The following COMMD8 variants were observed in gnomAD, a reference collection of about 807,000 sequenced individuals.
COMMD8 encodes COMM domain containing 8.
Under a neutral mutation model 27.2 loss-of-function variants are expected in COMMD8, and 28 were observed. That is an observed-to-expected ratio of 1.03 (90% CI 0.76 to 1.41). The LOEUF (loss-of-function observed/expected upper bound fraction) is 1.41. Ranked by LOEUF, COMMD8 falls within the 40% of genes most tolerant of loss-of-function variation. COMMD8 has a pLI of 0.00. For missense variants in COMMD8, 217 were observed against 211.2 expected, an observed-to-expected ratio of 1.03 and a Z score of -0.17; for synonymous variants, 79 against 75.5, an observed-to-expected ratio of 1.05 and a Z score of -0.24.
At chr4:47,452,681 G>T (rs2109352802) in intron 4 of COMMD8, among the ~76,000 whole-genome samples, 1 of 152,256 alleles carries the variant, frequency 6.6e-6, no homozygotes, top group South Asian at 2.1e-4. Context: ...TGAACTATGA[G>T]TCTAGGAGTA....
At position 47,451,623 on chromosome 4, in the gene COMMD8, G is replaced by A; in HGVS notation, c.*22C>T. On this transcript the variant is annotated 3_prime_UTR_variant, in exon 5 of 5. Transcript: ENST00000381571. ...AAGTTGGAGCAATAAAATCTGATAG[G>A]ACTGGTATTCATCATTTCCAGTTAT... 6.3e-7 allele frequency: 1 copy of A among 1,578,412 alleles called. No individual in the cohort carries two copies. Among genetic ancestry groups the A allele is most frequent in the Non-Finnish European group, 8.6e-7 (1 of 1,158,948 alleles).
rs1287259737 is a variant in COMMD8 at position 47,451,618 on chromosome 4, G to C, written c.*27C>G. On this transcript the variant is annotated 3_prime_UTR_variant, in exon 5 of 5. Coordinates refer to ENST00000381571, the MANE Select transcript of COMMD8 (RefSeq NM_017845.5). ...CATATAAGTTGGAGCAATAAAATCTGATAGGACTGGTATTCATCATTTCCA... is the reference window on the plus strand; with the variant it reads ...CATATAAGTTGGAGCAATAAAATCTCATAGGACTGGTATTCATCATTTCCA... The C allele has an allele frequency of 6.3e-7, 1 of 1,580,414 alleles. No individual in the cohort carries two copies. The highest frequency in any genetic ancestry group is 8.6e-7 in the Non-Finnish European group (1 of 1,158,206).
chr4:47,454,803 G>A (rs1046975754), intron 3 of COMMD8, among the ~76,000 whole-genome samples: 2 of 148,326 alleles, frequency 1.3e-5, no homozygotes, highest in Admixed American at 6.8e-5. Flanking sequence ...AGGTGGGGTT[G>A]CGGTGAGCAG....
At chr4:47,458,079 A>T (rs1039052955) in intron 2 of COMMD8, among the ~76,000 whole-genome samples, 6 of 152,120 alleles carry the variant, frequency 3.9e-5, no homozygotes, top group African/African-American at 1.2e-4. Flanking sequence ...ATATCCATTC[A>T]TGGTAAAAAT....
chr4:47,454,961 T>A (rs534031362), intron 3 of COMMD8, among the ~76,000 whole-genome samples: 2 of 146,894 alleles, frequency 1.4e-5, no homozygotes, highest in South Asian at 4.3e-4. Context: ...TAAACCAAAA[T>A]AACTAAACAT....
chr4:47,456,298 A>ATATATATATG (rs1430343028), intron 3 of COMMD8, among the ~76,000 whole-genome samples: 85 of 131,110 alleles, frequency 6.5e-4, no homozygotes, highest in African/African-American at 2.3e-3. Flanking sequence ...ATATATATAT[A>ATATATATATG]TATGTATATG....
intron 2 of COMMD8, 85 bp from the exon 3 acceptor site, chr4:47,456,814 C>A: frequency 3.1e-6 from 3 of 973,224 alleles, no homozygotes; most frequent in Non-Finnish European, 2.9e-6. Flanking sequence ...ACTTTTAAAG[C>A]AACAGTAAAA....
In COMMD8 at chr4:47,463,586, C is replaced by A; in HGVS notation, c.66G>T (p.Gln22His). 6.5e-7 allele frequency: 1 copy of A among 1,545,012 alleles called. No homozygotes were observed. The highest frequency in any genetic ancestry group is 8.7e-7 in the Non-Finnish European group (1 of 1,146,048). Residue 22 changes from glutamine to histidine, a missense_variant and splice_region_variant, in exon 1 of 5, where the codon CAG becomes CAT. By Grantham distance (24) the Gln-to-His change is conservative. Transcript: ENST00000381571. ...CGCTTCCCCCGGTACCCGCCCTCAC[C>A]TGCGGGCCCAGCTCGGCCGGCAGCT... is the stretch of plus-strand genomic sequence containing the variant. Reference protein sequence around the residue: ...LQKLPAELGPQLLHKIIDGIC... With the variant: ...LQKLPAELGPHLLHKIIDGIC...
chr4:47,463,161 A>C (rs1423269056), intron 1 of COMMD8, among the ~76,000 whole-genome samples: 1 of 90,786 alleles, frequency 1.1e-5, no homozygotes, highest in Non-Finnish European at 2.4e-5. Context: ...TTCTCTTCCT[A>C]CCAACCACCC....
intron 3 of COMMD8, among the ~76,000 whole-genome samples, chr4:47,454,674 T>C (rs1175930607): frequency 6.6e-6 from 1 of 151,852 alleles, no homozygotes; most frequent in African/African-American, 2.4e-5. Context: ...TAGACCAGCA[T>C]GACCGACATG....
rs868680785 is a variant in COMMD8, at chr4:47,456,498, T to A, written c.375+79A>T. ...TAATACATTCCCAAAATAACAAATT[T>A]TATATATATGATATTATAAAGATAT... On this transcript the variant is annotated intron_variant, in intron 3 of 4. Transcript: ENST00000381571. 4 of 994,916 alleles carry A rather than the reference T, an allele frequency of 4.0e-6. No individual in the cohort carries two copies. In the African/African-American group the frequency reaches 5.2e-5, roughly 13 times the overall value. The allele number at this position is 994,916 out of a possible 1,614,324, so 61.6% of individuals were successfully genotyped here.
At position 47,451,461 on chromosome 4, in the gene COMMD8, C is replaced by T; in HGVS notation, c.*184G>A. On this transcript the variant is annotated 3_prime_UTR_variant, in exon 5 of 5. Coordinates refer to ENST00000381571, the MANE Select transcript of COMMD8 (RefSeq NM_017845.5). ...TCATCTTTCATTTTATGCATTTCCT[C>T]TCAACCATGTAATTTCCTGTTAAGG... 1.8e-6 allele frequency: 1 copy of T among 540,676 alleles called. No homozygotes were observed. 33.5% of individuals were successfully genotyped at this position (540,676 alleles called of 1,614,324 possible).
At position 47,463,601 on chromosome 4, in the gene COMMD8, G is replaced by C. The variant is rs781419954; in HGVS notation, c.51C>G (p.Ala17=). The C allele has an allele frequency of 2.9e-4, 443 of 1,546,444 alleles. 1 individual carries two copies. Among genetic ancestry groups the C allele is most frequent in the Non-Finnish European group, 3.7e-4 (424 of 1,146,144 alleles). Residue 17 remains alanine (A), a synonymous_variant, in exon 1 of 5, where the codon GCC becomes GCG. Transcript: ENST00000381571. ...TPLWRLQKLP[A]ELGPQLLHKI... ...CCGCCCTCACCTGCGGGCCCAGCTC[G>C]GCCGGCAGCTTCTGCAGCCGCCACA...
intron 3 of COMMD8, among the ~76,000 whole-genome samples, chr4:47,454,268 T>C (rs568281942): frequency 5.3e-5 from 8 of 152,328 alleles, no homozygotes; most frequent in Non-Finnish European, 1.2e-4. Flanking sequence ...GCAAATAATA[T>C]ACGTTAGTCC....
chr4:47,463,561 C>A, intron 1 of COMMD8, 25 bp downstream of exon 1: 1 of 1,539,186 alleles, frequency 6.5e-7, no homozygotes, highest in Non-Finnish European at 8.7e-7. Context: ...GGCCCCGCGC[C>A]GCTTCCCCCG....
chr4:47,461,197 G>A (rs1164873119), intron 1 of COMMD8, among the ~76,000 whole-genome samples: 2 of 152,144 alleles, frequency 1.3e-5, no homozygotes, highest in Non-Finnish European at 2.9e-5. Context: ...TCCAATTCAT[G>A]CCTTCAGCAT....
chr4:47,463,123 T>C (rs9998398), intron 1 of COMMD8, among the ~76,000 whole-genome samples: 8,693 of 152,108 alleles, frequency 0.057, 850 homozygotes, highest in African/African-American at 0.2. Flanking sequence ...CTTGGGACGA[T>C]CCTAACTAAA....
At chr4:47,461,638 G>A (rs562942198) in intron 1 of COMMD8, among the ~76,000 whole-genome samples, 7 of 152,148 alleles carry the variant, frequency 4.6e-5, no homozygotes, top group Non-Finnish European at 8.8e-5. Flanking sequence ...ATAAAGTCAT[G>A]GAAATGACCT....
Position 47,460,016 on chromosome 4 carries a change from T to C in COMMD8, c.222+128A>G, listed in dbSNP as rs999727278. ...AAAACCTAGGACTTCCACAGATTTT[T>C]CCATTCACAATTATAAGGTATTTGT... On this transcript the variant is annotated intron_variant, in intron 2 of 4. Transcript: ENST00000381571. 3 of 685,974 alleles carry C rather than the reference T, an allele frequency of 4.4e-6. No individual in the cohort carries two copies. In the African/African-American group the frequency reaches 5.6e-5, roughly 13 times the overall value. 42.5% of individuals were successfully genotyped at this position (685,974 alleles called of 1,614,324 possible).
Sources: allele counts gnomAD v4.1 joint callset (sites outside exome capture counted in the v4.1 genomes callset), GRCh38; gene constraint gnomAD v4.1.1; transcripts MANE v1.5; gene names NCBI Gene and HGNC (gene_info 2026-07-23, HGNC 2026-07-21).